DOP1A: variants seen among roughly 807,000 people sequenced by gnomAD.
DOP1A encodes DOP1 leucine zipper like protein A.
DOP1A carries 90 observed loss-of-function variants against 267.6 expected under a neutral mutation model. That is an observed-to-expected ratio of 0.34 (90% CI 0.28 to 0.40). DOP1A has a LOEUF of 0.40. Ranked by LOEUF, DOP1A falls within the 10% of genes least tolerant of loss-of-function variation. DOP1A has a pLI of 1.00. For synonymous variants in DOP1A, 932 were observed against 999.1 expected (o/e 0.93, Z 1.27); for missense variants, 2,437 against 2,900.4 (o/e 0.84, Z 3.67).
intron 31 of DOP1A, 30 bp downstream of exon 31, chr6:83,153,650 A>G: frequency 2.7e-6 from 4 of 1,494,514 alleles, no homozygotes; most frequent in Non-Finnish European, 3.6e-6. Context: ...AGTTTTTAAA[A>G]TTAATTCATA....
At chr6:83,128,153 G>A (rs1777484656) in intron 15 of DOP1A, among the ~76,000 whole-genome samples, 1 of 152,144 alleles carries the variant, frequency 6.6e-6, no homozygotes, top group African/African-American at 2.4e-5. Flanking sequence ...TTTAGTTCAT[G>A]ATGCTATTAT....
intron 1 of DOP1A, among the ~76,000 whole-genome samples, chr6:83,093,777 G>T (rs1770921586): frequency 6.6e-6 from 1 of 152,090 alleles, no homozygotes; most frequent in Admixed American, 6.5e-5. Context: ...ATGGTGCCAG[G>T]TGCCTGTAAT....
At chr6:83,105,356 CTTTTTTTTTTTT>C (rs70987733) in intron 4 of DOP1A, among the ~76,000 whole-genome samples, 1 of 65,892 alleles carries the variant, frequency 1.5e-5, no homozygotes, top group African/African-American at 5.5e-5. Flanking sequence ...GGATGTCTTT[CTTTTTTTTTTTT>C]TTTTTTTTTT....
rs140110242 is a variant in DOP1A at position 83,138,066 on chromosome 6, A to G, written c.4024A>G (p.Ile1342Val). ...ENWYSCGEGD[I>V]SEIESDMGSP... ...CTGGTATAGCTGTGGAGAGGGAGAC[A>G]TTTCTGAAATTGAGAGTGACATGGG... Residue 1342 changes from isoleucine to valine, a missense_variant, in exon 21 of 39, where the codon ATT becomes GTT. By Grantham distance (29) the Ile-to-Val change is conservative. Coordinates refer to ENST00000349129, the MANE Select transcript of DOP1A (RefSeq NM_015018.4). The G allele has an allele frequency of 1.2e-6, 2 of 1,613,504 alleles. No individual in the cohort carries two copies. The highest frequency in any genetic ancestry group is 1.7e-6 in the Non-Finnish European group (2 of 1,179,786).
At position 83,097,843 on chromosome 6, in the gene DOP1A, C is replaced by CTATTT. The variant is rs540132317; in HGVS notation, c.138+748_138+752dup. Among the ~76,000 whole-genome samples, 399 of 150,386 alleles carry CTATTT rather than the reference C, an allele frequency of 2.7e-3. 7 individuals carry two copies. The highest frequency in any genetic ancestry group is 0.025 in the East Asian group (130 of 5,110). On this transcript the variant is annotated intron_variant, in intron 3 of 38. Transcript: ENST00000349129. ...AGGAGTGGCCTTCCAATAACTTATT[C>CTATTT]TATTTTATTTTATTTTATTTTATTA...
intron 26 of DOP1A, among the ~76,000 whole-genome samples, chr6:83,148,147 C>T (rs1780913466): frequency 6.6e-6 from 1 of 152,162 alleles, no homozygotes; most frequent in Non-Finnish European, 1.5e-5. Context: ...GGGGCGGTGA[C>T]TCTCGCCTGT....
At chr6:83,170,726 G>C (rs1283227153), downstream of DOP1A, 1 of 379,220 alleles carries the variant, frequency 2.6e-6, no homozygotes, top group Non-Finnish European at 4.7e-6. Context: ...ATAATGGCCA[G>C]TAAATACGAT....
rs747163309 is a variant in DOP1A at position 83,154,253 on chromosome 6, G to C, written c.6451+12G>C. On this transcript the variant is annotated intron_variant, in intron 33 of 38. Transcript: ENST00000349129. ...TAGAGATTTGATGAGTGAGTATTAC[G>C]GGATGACAATCCAAGTTCTTTCCTG... 1 of 1,610,426 alleles carries C rather than the reference G, an allele frequency of 6.2e-7. No homozygotes were observed. The highest frequency in any genetic ancestry group is 8.5e-7 in the Non-Finnish European group (1 of 1,177,486).
chr6:83,136,760 C>T (rs1422445758), intron 20 of DOP1A, among the ~76,000 whole-genome samples: 1 of 152,076 alleles, frequency 6.6e-6, no homozygotes, highest in Non-Finnish European at 1.5e-5. Context: ...GCTGAATTCT[C>T]ACCTCCCCTC....
At position 83,067,700 on chromosome 6, in the gene DOP1A, C is replaced by T. The variant is rs1030757404; in HGVS notation, c.-226C>T. 13 of 152,092 alleles carry T rather than the reference C, an allele frequency of 8.5e-5. No individual in the cohort carries two copies. The highest frequency in any genetic ancestry group is 5.9e-4 in the Admixed American group (9 of 15,264). The allele number at this position is 152,092 out of a possible 1,614,324, so 9.4% of individuals were successfully genotyped here. On this transcript the variant is annotated 5_prime_UTR_variant, in exon 1 of 39. Transcript: ENST00000349129. Reference sequence around the variant, plus strand: ...TGCACTCTGGGAGCTGTCACTAGGCCCTTCGGCTCCCGGTCTCGGTGTAGC... The same window carrying T: ...TGCACTCTGGGAGCTGTCACTAGGCTCTTCGGCTCCCGGTCTCGGTGTAGC...
intron 38 of DOP1A, chr6:83,165,757 G>T: frequency 8.4e-6 from 2 of 237,754 alleles, no homozygotes; most frequent in South Asian, 1.1e-4. Context: ...TTCAATTTTC[G>T]AAGCGTTGGT....
rs1319972257 is a variant in DOP1A, at chr6:83,137,977, A to C, written c.3935A>C (p.Lys1312Thr). Residue 1312 changes from lysine to threonine, a missense_variant, in exon 21 of 39, where the codon AAA becomes ACA. Lys to Thr is a moderately conservative substitution (Grantham distance 78). This residue lies in a region of DOP1A where 878 missense variants were observed against 992.9 expected (regional missense o/e 0.88). Transcript: ENST00000349129. ...AGAAAAAAGGATGATGACAAGAAAA[A>C]ATCTTCAAATGAAAAACTCAAACAA... The part of the protein sequence containing the change: ...LARKKDDDKK[K>T]SSNEKLKQTS... 6.2e-7 allele frequency: 1 copy of C among 1,605,716 alleles called. No homozygotes were observed. The highest frequency in any genetic ancestry group is 1.7e-5 in the Admixed American group (1 of 58,070).
rs145513992 is a variant in DOP1A at position 83,154,109 on chromosome 6, C to T, written c.6389+66C>T. ...ACAGTCTGATGAAATCAGCTACTCC[C>T]CTGGAAAGTTAGAATACTGTTCTTT... On this transcript the variant is annotated intron_variant, in intron 32 of 38. Coordinates refer to ENST00000349129, the MANE Select transcript of DOP1A (RefSeq NM_015018.4). 2.5e-6 allele frequency: 4 copies of T among 1,610,938 alleles called. No individual in the cohort carries two copies. The African/African-American group carries it at 5.3e-5, about 21-fold the overall frequency.
At chr6:83,150,921 T>G (rs557777927) in intron 27 of DOP1A, among the ~76,000 whole-genome samples, 1 of 152,268 alleles carries the variant, frequency 6.6e-6, no homozygotes, top group East Asian at 1.9e-4. Context: ...AAACCCAAAT[T>G]AAGAAATAAA....
At position 83,119,761 on chromosome 6, in the gene DOP1A, C is replaced by T. The variant is rs779282785; in HGVS notation, c.894C>T (p.Asn298=). 1.4e-5 allele frequency: 23 copies of T among 1,611,696 alleles called. No homozygotes were observed. The highest frequency in any genetic ancestry group is 6.7e-5 in the Admixed American group (4 of 59,790). The change falls in exon 9 of 39, where the codon AAC becomes AAT. Residue 298 remains asparagine, a synonymous_variant. Transcript: ENST00000349129. ...GTTTCCATGGAGGTTTTGATAACAA[C>T]GGTGCTATCATAGGACCCAGAAGCA... ...LYAWLLGFDN[N]GAIIGPRSTR...
chr6:83,166,891 C>CT (rs1163266128), intron 38 of DOP1A: 1 of 991,014 alleles, frequency 1.0e-6, no homozygotes, highest in Non-Finnish European at 1.2e-6. Flanking sequence ...ATTCTGCTTC[C>CT]TAAGTCTTCA....
rs575622088 is a variant in DOP1A, at chr6:83,074,628, G to A, written c.-147+6849G>A. On this transcript the variant is annotated intron_variant, in intron 1 of 38. Transcript: ENST00000349129. ...TATTCAACACTTTATTATAAAACAC[G>A]CTTTATATTGGGTGATTTTTGCCTA... is the stretch of plus-strand genomic sequence containing the variant. 1.1e-4 allele frequency among the ~76,000 whole-genome samples: 16 copies of A among 152,202 alleles called. No homozygotes were observed. In the South Asian group the frequency reaches 1.9e-3, roughly 18 times the overall value.
intron 29 of DOP1A, 85 bp downstream of exon 29, chr6:83,152,112 C>A: frequency 6.7e-7 from 1 of 1,486,348 alleles, no homozygotes; most frequent in Non-Finnish European, 9.2e-7. Context: ...CTATAAGTAC[C>A]ACAAATTTAT....
intron 18 of DOP1A, among the ~76,000 whole-genome samples, chr6:83,133,474 G>A (rs895977480): frequency 1.3e-5 from 2 of 151,986 alleles, no homozygotes; most frequent in Non-Finnish European, 2.9e-5. Context: ...GAAAGTTGCC[G>A]TCTGGTTTCT....
Sources: allele counts gnomAD v4.1 joint callset (sites outside exome capture counted in the v4.1 genomes callset), GRCh38; gene constraint gnomAD v4.1.1; regional missense constraint gnomAD v4.1.1; transcripts MANE v1.5; gene names NCBI Gene and HGNC (gene_info 2026-07-23, HGNC 2026-07-21).